Variants in TRIM33 observed in about 807,000 individuals in gnomAD.
TRIM33 encodes the protein E3 ubiquitin-protein ligase TRIM33.
TRIM33 carries 20 observed loss-of-function variants against 125.4 expected under a neutral mutation model. That is an observed-to-expected ratio of 0.16 (90% CI 0.11 to 0.23). The LOEUF is 0.23. Ranked by LOEUF, TRIM33 falls within the 10% of genes least tolerant of loss-of-function variation. The pLI, the probability that TRIM33 is intolerant of heterozygous loss-of-function variation, is 1.00. For synonymous variants in TRIM33, 564 were observed against 513.9 expected (o/e 1.10, Z -1.32); for missense variants, 920 against 1,411.4 (o/e 0.65, Z 5.58).
At chr1:114,498,650 C>A (rs1652521643) in intron 1 of TRIM33, among the ~76,000 whole-genome samples, 2 of 151,546 alleles carry the variant, frequency 1.3e-5, no homozygotes, top group Non-Finnish European at 2.9e-5. Context: ...AAGAAATGTA[C>A]AATGTAATTA....
At chr1:114,480,632 TA>T (rs1000876930) in intron 1 of TRIM33, among the ~76,000 whole-genome samples, 2 of 148,768 alleles carry the variant, frequency 1.3e-5, no homozygotes, top group Non-Finnish European at 3.0e-5. Context: ...GAAGTCTCAG[TA>T]AAGAAGGAAA....
At chr1:114,419,800 A>G (rs1228210027) in intron 11 of TRIM33, among the ~76,000 whole-genome samples, 1 of 152,216 alleles carries the variant, frequency 6.6e-6, no homozygotes, top group Non-Finnish European at 1.5e-5. Flanking sequence ...GATGAGGGAT[A>G]TGTTAATTTG....
In TRIM33 at chr1:114,425,644, G is replaced by A; in HGVS notation, c.1500C>T (p.Asn500=). The change falls in exon 9 of 20, where the codon AAC becomes AAT. Residue 500 remains asparagine (N), a synonymous_variant. Transcript: ENST00000358465. ...TCTGTCCAGGGGTTTTACTAATGTG[G>A]TTTGTCCCTGGAGGAACTTGCCCAA... ...VVVGQVPPGT[N]HISKTPGQIN... The A allele has an allele frequency of 6.2e-7, 1 of 1,614,106 alleles. No individual in the cohort carries two copies. The highest frequency in any genetic ancestry group is 8.5e-7 in the Non-Finnish European group (1 of 1,180,014).
intron 1 of TRIM33, among the ~76,000 whole-genome samples, chr1:114,495,826 A>G (rs541347894): frequency 1.2e-4 from 18 of 152,346 alleles, no homozygotes; most frequent in African/African-American, 4.3e-4. Context: ...AGTAAATTTC[A>G]GCTATGACTA....
chr1:114,424,901 C>T (rs184590488), intron 9 of TRIM33, 146 bp from the exon 10 acceptor site: 1 of 571,768 alleles, frequency 1.7e-6, no homozygotes, highest in Admixed American at 3.7e-5. Flanking sequence ...GCCCCAATCC[C>T]CAGAGGACTG....
intron 1 of TRIM33, among the ~76,000 whole-genome samples, chr1:114,477,004 CA>C (rs1319991501): frequency 6.6e-6 from 1 of 152,050 alleles, no homozygotes; most frequent in Non-Finnish European, 1.5e-5. Context: ...CTACCAAAGG[CA>C]ATGCAAAAGA....
At chr1:114,488,535 G>C (rs939485697) in intron 1 of TRIM33, among the ~76,000 whole-genome samples, 1 of 152,080 alleles carries the variant, frequency 6.6e-6, no homozygotes, top group African/African-American at 2.4e-5. Flanking sequence ...AGGCTGAGGC[G>C]GGAGGACCGC....
rs1206685006 is a variant in TRIM33 at position 114,433,607 on chromosome 1, A to G, written c.1040+10T>C. Reference sequence around the variant, plus strand: ...TTCTTAAAATTATGGTTTTAAGGCAACAAACTTACCTATTCTGCACCTGAG... The same window carrying G: ...TTCTTAAAATTATGGTTTTAAGGCAGCAAACTTACCTATTCTGCACCTGAG... On this transcript the variant is annotated intron_variant, in intron 5 of 19. Coordinates refer to ENST00000358465, the MANE Select transcript of TRIM33 (RefSeq NM_015906.4). 2 of 1,544,632 alleles carry G rather than the reference A, an allele frequency of 1.3e-6. No individual in the cohort carries two copies. The highest frequency in any genetic ancestry group is 2.3e-5 in the East Asian group (1 of 44,274).
chr1:114,471,615 G>A (rs1181221608), intron 1 of TRIM33, among the ~76,000 whole-genome samples: 1 of 151,840 alleles, frequency 6.6e-6, no homozygotes, highest in Non-Finnish European at 1.5e-5. Flanking sequence ...ACATACAGCA[G>A]CAACTGCAAA....
At chr1:114,483,979 T>G (rs942991163) in intron 1 of TRIM33, among the ~76,000 whole-genome samples, 1 of 152,164 alleles carries the variant, frequency 6.6e-6, no homozygotes, top group African/African-American at 2.4e-5. Flanking sequence ...AGTTTGTAAG[T>G]GGAGGTTTGG....
At chr1:114,446,266 G>C (rs1278621232) in intron 4 of TRIM33, among the ~76,000 whole-genome samples, 1 of 152,160 alleles carries the variant, frequency 6.6e-6, no homozygotes, top group Non-Finnish European at 1.5e-5. Flanking sequence ...ATAAGAGACA[G>C]AAACTCATAT....
chr1:114,503,594 T>A (rs954898494), intron 1 of TRIM33, among the ~76,000 whole-genome samples: 4 of 152,214 alleles, frequency 2.6e-5, no homozygotes, highest in African/African-American at 9.6e-5. Context: ...ATCTTTGAAA[T>A]GTTGACATTA....
intron 6 of TRIM33, among the ~76,000 whole-genome samples, chr1:114,430,176 TG>T (rs1187233761): frequency 6.6e-6 from 1 of 151,394 alleles, no homozygotes; most frequent in Non-Finnish European, 1.5e-5. Context: ...CTTAAGGGGG[TG>T]GGGAAGAAAT....
chr1:114,400,145 C>T (rs553929193), intron 17 of TRIM33, among the ~76,000 whole-genome samples: 26 of 152,208 alleles, frequency 1.7e-4, no homozygotes, highest in Middle Eastern at 6.8e-3. Context: ...CCAACTCTGG[C>T]GAAAAATTTC....
At chr1:114,407,430 C>T (rs1652319228) in intron 13 of TRIM33, among the ~76,000 whole-genome samples, 1 of 152,162 alleles carries the variant, frequency 6.6e-6, no homozygotes. Flanking sequence ...AATTCAGTAG[C>T]AATGAGTGCT....
chr1:114,458,020 C>A (rs76897832), intron 4 of TRIM33, among the ~76,000 whole-genome samples: 2,159 of 152,354 alleles, frequency 0.014, 29 homozygotes, highest in South Asian at 0.041. Context: ...ACACAACTGA[C>A]TCCACCTTGC....
chr1:114,418,334 G>T (rs1207301413), intron 11 of TRIM33, among the ~76,000 whole-genome samples: 1 of 152,220 alleles, frequency 6.6e-6, no homozygotes, highest in African/African-American at 2.4e-5. Flanking sequence ...TTTGGGTGAG[G>T]ACACAGAGCC....
chr1:114,410,122 G>A, intron 12 of TRIM33, 62 bp downstream of exon 12: 1 of 1,583,144 alleles, frequency 6.3e-7, no homozygotes, highest in Non-Finnish European at 8.7e-7. Flanking sequence ...TTCTGACTAA[G>A]ACAGATACTG....
chr1:114,492,607 A>G (rs1316266964), intron 1 of TRIM33, among the ~76,000 whole-genome samples: 2 of 152,146 alleles, frequency 1.3e-5, no homozygotes, highest in Non-Finnish European at 2.9e-5. Context: ...AGCCCTTGGT[A>G]ACCTCTAGTC....
Sources: gnomAD v4.1 joint callset for allele counts (sites outside exome capture counted in the v4.1 genomes callset) on GRCh38, gnomAD v4.1.1 for gene constraint, MANE v1.5 for transcripts, NCBI Gene and HGNC (gene_info 2026-07-23, HGNC 2026-07-21) for gene names.